Variants in NFKB1 observed in about 807,000 individuals in gnomAD.
The protein encoded by NFKB1 is nuclear factor NF-kappa-B p105 subunit.
In NFKB1, 9 loss-of-function variants were observed where a neutral mutation model predicts 105.1. The observed-to-expected ratio is 0.09, with a 90% CI of 0.05 to 0.15. The LOEUF (loss-of-function observed/expected upper bound fraction) is 0.15. NFKB1 is among the 10% of genes least tolerant of loss of function. The pLI is 1.00. For synonymous variants in NFKB1, 440 were observed against 442.2 expected (o/e 1.00, Z 0.06); for missense variants, 830 against 1,203.7 (o/e 0.69, Z 4.59).
At chr4:102,598,666 T>C (rs939906190) in intron 15 of NFKB1, among the ~76,000 whole-genome samples, 1 of 152,172 alleles carries the variant, frequency 6.6e-6, no homozygotes, top group African/African-American at 2.4e-5. Flanking sequence ...GGTTAAATAA[T>C]CCAGTTAGCA....
At chr4:102,502,390 G>GCACACACACACACACA (rs754187388) in intron 1 of NFKB1, among the ~76,000 whole-genome samples, 38 of 105,396 alleles carry the variant, frequency 3.6e-4, no homozygotes, top group African/African-American at 1.4e-3. Flanking sequence ...GCGCGCGCGC[G>GCACACACACACACACA]CACACACACA....
Position 102,616,814 on chromosome 4 carries a change from C to A in NFKB1, c.*220C>A. On this transcript the variant is annotated 3_prime_UTR_variant, in exon 24 of 24. Transcript: ENST00000226574. ...CAGATAGTATCTAGCAATCACAACA[C>A]TGGCTGAGCGGATGCATCTGGGGAT... 1 of 444,412 alleles carries A rather than the reference C, an allele frequency of 2.3e-6. No homozygotes were observed. The highest frequency in any genetic ancestry group is 4.1e-6 in the Non-Finnish European group (1 of 246,900). 27.5% of individuals were successfully genotyped at this position (444,412 alleles called of 1,614,324 possible).
chr4:102,502,413 C>G (rs1455651517), intron 1 of NFKB1, among the ~76,000 whole-genome samples: 1 of 150,720 alleles, frequency 6.6e-6, no homozygotes, highest in Middle Eastern at 3.4e-3. Context: ...CACACACACA[C>G]ACACACACAC....
At chr4:102,502,326 A>C (rs1739107208) in intron 1 of NFKB1, among the ~76,000 whole-genome samples, 1 of 148,884 alleles carries the variant, frequency 6.7e-6, no homozygotes, top group Non-Finnish European at 1.5e-5. Flanking sequence ...TTCTAAAAGA[A>C]ACCTGGCTCG....
chr4:102,544,161 T>C (rs1291124638), intron 5 of NFKB1, among the ~76,000 whole-genome samples: 1 of 152,156 alleles, frequency 6.6e-6, no homozygotes, highest in Non-Finnish European at 1.5e-5. Flanking sequence ...TTTTATCATA[T>C]TTTCAAAGGG....
chr4:102,552,752 A>G (rs1017957976), intron 5 of NFKB1, among the ~76,000 whole-genome samples: 1 of 152,230 alleles, frequency 6.6e-6, no homozygotes, highest in East Asian at 1.9e-4. Context: ...GCTGAACAAC[A>G]TAAAGTTAAG....
chr4:102,612,758 G>T, intron 22 of NFKB1, 152 bp downstream of exon 22: 1 of 646,938 alleles, frequency 1.5e-6, no homozygotes, highest in East Asian at 2.8e-5. Context: ...AGGCCAAGTT[G>T]GCAGCCCATC....
At chr4:102,560,257 G>T (rs528085108) in intron 5 of NFKB1, among the ~76,000 whole-genome samples, 1 of 152,184 alleles carries the variant, frequency 6.6e-6, no homozygotes, top group Non-Finnish European at 1.5e-5. Context: ...TTTCTCGAAA[G>T]AAGCATGATT....
intron 16 of NFKB1, among the ~76,000 whole-genome samples, chr4:102,603,438 T>G (rs944074098): frequency 2.0e-5 from 3 of 152,058 alleles, no homozygotes; most frequent in African/African-American, 7.2e-5. Context: ...ATGTTGAGAC[T>G]CTCCAGTGTG....
chr4:102,537,541 C>T (rs886175333), intron 4 of NFKB1: 84 of 182,516 alleles, frequency 4.6e-4, no homozygotes, highest in Non-Finnish European at 2.1e-4. Context: ...CTGACTAGAA[C>T]AAGCCGTAAC....
intron 1 of NFKB1, among the ~76,000 whole-genome samples, chr4:102,512,736 T>G (rs1290767384): frequency 6.6e-6 from 1 of 152,208 alleles, no homozygotes; most frequent in African/African-American, 2.4e-5. Flanking sequence ...TTATTATATT[T>G]GTGTATGTGT....
intron 6 of NFKB1, among the ~76,000 whole-genome samples, chr4:102,567,483 A>C (rs1217825202): frequency 6.6e-6 from 1 of 152,212 alleles, no homozygotes; most frequent in African/African-American, 2.4e-5. Flanking sequence ...ATAAGGACAA[A>C]TTTAAAGAAA....
chr4:102,606,252 T>G (rs1434751904), intron 16 of NFKB1, among the ~76,000 whole-genome samples: 1 of 152,214 alleles, frequency 6.6e-6, no homozygotes, highest in African/African-American at 2.4e-5. Context: ...GTCAATTAAA[T>G]TTAAGATAAA....
chr4:102,596,999 G>A (rs549084708), intron 14 of NFKB1, among the ~76,000 whole-genome samples: 5 of 152,190 alleles, frequency 3.3e-5, no homozygotes, highest in South Asian at 2.1e-4. Context: ...CCATAAACAG[G>A]TTTTGGCCCA....
intron 5 of NFKB1, among the ~76,000 whole-genome samples, chr4:102,541,637 G>T (rs770509808): frequency 2.0e-5 from 3 of 152,154 alleles, no homozygotes; most frequent in Non-Finnish European, 4.4e-5. Flanking sequence ...GATGCTTTCA[G>T]GTAGGCAGAG....
chr4:102,510,088 CTT>C (rs1739680532), intron 1 of NFKB1, among the ~76,000 whole-genome samples: 2 of 152,156 alleles, frequency 1.3e-5, no homozygotes, highest in Non-Finnish European at 2.9e-5. Context: ...TGAGAAGTGC[CTT>C]TTCTTTCCTA....
intron 23 of NFKB1, among the ~76,000 whole-genome samples, chr4:102,615,513 A>T (rs4648135): frequency 2.0e-5 from 3 of 152,340 alleles, no homozygotes; most frequent in African/African-American, 7.2e-5. Context: ...GGAATAATGT[A>T]TCCGCCGGAA....
At chr4:102,605,884 A>G (rs746325461) in intron 16 of NFKB1, among the ~76,000 whole-genome samples, 8 of 152,230 alleles carry the variant, frequency 5.3e-5, no homozygotes, top group Non-Finnish European at 1.0e-4. Flanking sequence ...CCATGTCAGC[A>G]TAGAATCATG....
Position 102,582,939 on chromosome 4 carries a change from C to T in NFKB1, c.909C>T (p.Pro303=). The change falls in exon 10 of 24, where the codon CCC becomes CCT. Residue 303 remains proline (P), a synonymous_variant. Transcript: ENST00000226574. The part of the protein sequence containing the change: ...GVWEGFGDFS[P]TDVHRQFAIV... ...GGGAAGGATTTGGAGATTTTTCCCC[C>T]ACAGATGTTCATAGACAAGTAAGTG... The T allele has an allele frequency of 6.2e-7, 1 of 1,608,516 alleles. No individual in the cohort carries two copies. Among genetic ancestry groups the T allele is most frequent in the Non-Finnish European group, 8.5e-7 (1 of 1,175,512 alleles).
Sources: allele counts gnomAD v4.1 joint callset (sites outside exome capture counted in the v4.1 genomes callset), GRCh38; gene constraint gnomAD v4.1.1; transcripts MANE v1.5; gene names NCBI Gene and HGNC (gene_info 2026-07-23, HGNC 2026-07-21).